The following NDUFS7 variants were observed in gnomAD, a reference collection of about 807,000 sequenced individuals.
The protein encoded by NDUFS7 is NADH dehydrogenase [ubiquinone] iron-sulfur protein 7, mitochondrial.
A neutral mutation model predicts 31.1 loss-of-function variants in NDUFS7; 11 were observed. The observed-to-expected ratio is 0.35, with a 90% CI of 0.22 to 0.59. The LOEUF is 0.59. NDUFS7 is among the 20% of genes least tolerant of loss of function. The probability of loss-of-function intolerance (pLI) is 0.79; values close to 1 mark genes in which losing one functional copy is unlikely to be tolerated. For missense variants in NDUFS7, 263 were observed against 324.2 expected, an observed-to-expected ratio of 0.81 and a Z score of 1.45; for synonymous variants, 136 against 127.9, an observed-to-expected ratio of 1.06 and a Z score of -0.43.
intron 6 of NDUFS7, chr19:1,392,910 G>A (rs908080681): frequency 7.4e-6 from 3 of 405,720 alleles, no homozygotes; most frequent in East Asian, 5.4e-5. Context: ...ATAGACAGGG[G>A]CTGGGTGTTG....
intron 1 of NDUFS7, among the ~76,000 whole-genome samples, chr19:1,384,358 A>G (rs2082494105): frequency 6.6e-6 from 1 of 152,100 alleles, no homozygotes; most frequent in Non-Finnish European, 1.5e-5. Context: ...CTGGGAAGGA[A>G]CAGGACCCAG....
chr19:1,393,336 G>C lies in NDUFS7; in HGVS notation c.544+6G>C, dbSNP rs1352620982. 2 of 1,565,820 alleles carry C rather than the reference G, an allele frequency of 1.3e-6. No individual in the cohort carries two copies. Among genetic ancestry groups the C allele is most frequent in the Non-Finnish European group, 1.7e-6 (2 of 1,156,520 alleles). Reference sequence around the variant, plus strand: ...CGTGGACATCTACATCCCAGGTAGGGCCGGGACCGCACCGCCCACGAGGGA... The same window carrying C: ...CGTGGACATCTACATCCCAGGTAGGCCCGGGACCGCACCGCCCACGAGGGA... On this transcript the variant is annotated splice_donor_region_variant and intron_variant, in intron 7 of 7. Transcript: ENST00000233627. This position sits in a 1 kb window ranked among gnomAD's most constrained non-coding sequence, Gnocchi z 7.3.
At position 1,388,506 on chromosome 19, in the gene NDUFS7, G is replaced by T. The variant is rs562814009; in HGVS notation, c.54-19G>T. On this transcript the variant is annotated intron_variant, in intron 2 of 7. Coordinates refer to ENST00000233627, the MANE Select transcript of NDUFS7 (RefSeq NM_024407.5). Reference sequence around the variant, plus strand: ...AGGGGCCTGGGACAGCCACTGACCCGCGTTCCATCTCCCGGCAGCTCCAGC... The same window carrying T: ...AGGGGCCTGGGACAGCCACTGACCCTCGTTCCATCTCCCGGCAGCTCCAGC... The T allele has an allele frequency of 2.5e-6, 4 of 1,610,196 alleles. No homozygotes were observed. In the South Asian group the frequency reaches 3.3e-5, roughly 13 times the overall value.
intron 1 of NDUFS7, among the ~76,000 whole-genome samples, chr19:1,387,535 C>T (rs2082515526): frequency 6.6e-6 from 1 of 152,202 alleles, no homozygotes; most frequent in Non-Finnish European, 1.5e-5. Flanking sequence ...AGTGCGGGGG[C>T]CCTGGCGCAG....
rs184440888 is a variant in NDUFS7, at chr19:1,389,853, C to T, written c.228+915C>T. 2.6e-3 allele frequency: 758 copies of T among 288,686 alleles called. 2 individuals are homozygous for T. Among genetic ancestry groups the T allele is most frequent in the Middle Eastern group, 5.0e-3 (4 of 796 alleles). 17.9% of individuals were successfully genotyped at this position (288,686 alleles called of 1,614,324 possible). On this transcript the variant is annotated intron_variant, in intron 4 of 7. Transcript: ENST00000233627. ...AACGTCCTGCCAGGGCCGCAGTGGT[C>T]GAGACAAGGATAGTTTTTAATGCAG...
rs2074896 is a variant in NDUFS7, at chr19:1,391,060, G to C, written c.408+10G>C. 6.2e-6 allele frequency: 10 copies of C among 1,612,574 alleles called. No individual in the cohort carries two copies. The highest frequency in any genetic ancestry group is 4.5e-5 in the East Asian group (2 of 44,840). ...CCCAGCGCTTCGCAAGGTAGGCCTC[G>C]TCCCAGCCGCCCAGCCGCCCCCAGA... On this transcript the variant is annotated intron_variant, in intron 5 of 7. Coordinates refer to ENST00000233627, the MANE Select transcript of NDUFS7 (RefSeq NM_024407.5).
At chr19:1,387,884 G>A (rs1198070183) in intron 2 of NDUFS7, 37 bp downstream of exon 2, 1 of 1,229,164 alleles carries the variant, frequency 8.1e-7, no homozygotes, top group South Asian at 1.2e-5. Flanking sequence ...GCTGGGAGGG[G>A]CCTTCAGCAG....
intron 7 of NDUFS7, chr19:1,395,006 T>A: frequency 8.8e-7 from 1 of 1,140,434 alleles, no homozygotes; most frequent in Non-Finnish European, 1.1e-6. Flanking sequence ...CCTCCCTGCC[T>A]CCATCTCCGT....
chr19:1,383,971 G>C (rs943921410), intron 1 of NDUFS7, 29 bp downstream of exon 1: 12 of 1,556,550 alleles, frequency 7.7e-6, no homozygotes, highest in Admixed American at 3.9e-5. Context: ...GCGGGTGTGG[G>C]GCCGCGCGGG....
At position 1,395,100 on chromosome 19, in the gene NDUFS7, G is replaced by A. The variant is rs116200321; in HGVS notation, c.545-291G>A. On this transcript the variant is annotated intron_variant, in intron 7 of 7. Transcript: ENST00000233627. ...CCATTGAGTCCTGAGGGCTGGGGCCGGGGGCCGGGTTAGTGAGGTCAGCGT... is the reference window on the plus strand; with the variant it reads ...CCATTGAGTCCTGAGGGCTGGGGCCAGGGGCCGGGTTAGTGAGGTCAGCGT... The A allele has an allele frequency of 4.4e-3, 5,675 of 1,298,778 alleles. 69 individuals are homozygous for A. Among genetic ancestry groups the A allele is most frequent in the African/African-American group, 0.042 (2,775 of 66,388 alleles). The allele number at this position is 1,298,778 out of a possible 1,614,324, so 80.5% of individuals were successfully genotyped here. A position where few individuals can be genotyped will look rare whatever the true frequency, so the allele number is the denominator to read the frequency against.
At position 1,388,527 on chromosome 19, in the gene NDUFS7, C is replaced by G. The variant is rs565188558; in HGVS notation, c.56C>G (p.Ser19Cys). Residue 19 changes from serine (S) to cysteine (C), a missense_variant and splice_region_variant, in exon 3 of 8, where the codon TCC becomes TGC. By Grantham distance (112) the Ser-to-Cys change is moderately radical. Transcript: ENST00000233627. ...LRGFRILGLRSSVGPAVQARG... is the reference protein window; with the variant it reads ...LRGFRILGLRCSVGPAVQARG... ...ACCCGCGTTCCATCTCCCGGCAGCT[C>G]CAGCGTGGGCCCGGCTGTGCAGGCA... 1 of 1,611,048 alleles carries G rather than the reference C, an allele frequency of 6.2e-7. No individual in the cohort carries two copies. Among genetic ancestry groups the G allele is most frequent in the Non-Finnish European group, 8.5e-7 (1 of 1,179,846 alleles).
intron 4 of NDUFS7, chr19:1,389,246 C>T: frequency 1.5e-6 from 1 of 658,192 alleles, no homozygotes; most frequent in Non-Finnish European, 2.8e-6. Context: ...CTCATGCACA[C>T]TCATGCGCAC....
In NDUFS7 at chr19:1,393,771, T is replaced by C. The variant is rs2082573595; in HGVS notation, c.544+441T>C. On this transcript the variant is annotated intron_variant, in intron 7 of 7. Transcript: ENST00000233627. This position sits in a 1 kb window ranked among gnomAD's most constrained non-coding sequence, Gnocchi z 7.3. ...GAAAACGTGGGAGGCTTAGTTTGAC[T>C]GTGAGGTTAGGGTGAATTTGACCAT... 4.3e-6 allele frequency: 2 copies of C among 462,328 alleles called. No individual in the cohort carries two copies. The highest frequency in any genetic ancestry group is 7.9e-6 in the Non-Finnish European group (2 of 253,102). 28.6% of individuals were successfully genotyped at this position (462,328 alleles called of 1,614,324 possible). A position where few individuals can be genotyped will look rare whatever the true frequency, so the allele number is the denominator to read the frequency against.
chr19:1,386,340 G>C (rs2082507173), intron 1 of NDUFS7, among the ~76,000 whole-genome samples: 1 of 152,162 alleles, frequency 6.6e-6, no homozygotes, highest in Admixed American at 6.5e-5. Flanking sequence ...AGCAGGGTTG[G>C]TTCCTGCTGA....
intron 1 of NDUFS7, among the ~76,000 whole-genome samples, chr19:1,384,368 G>A (rs1442567196): frequency 3.3e-5 from 5 of 152,216 alleles, no homozygotes; most frequent in Non-Finnish European, 5.9e-5. Flanking sequence ...ACAGGACCCA[G>A]GACATCCACG....
chr19:1,389,167 T>A (rs902904721), intron 4 of NDUFS7: 10 of 694,636 alleles, frequency 1.4e-5, no homozygotes, highest in Non-Finnish European at 2.1e-5. Flanking sequence ...ACATGCACAC[T>A]TGCACACACA....
chr19:1,389,897 CTTTTCTTTTCT>C, intron 4 of NDUFS7: 2 of 201,366 alleles, frequency 9.9e-6, no homozygotes, highest in Non-Finnish European at 2.0e-5. Flanking sequence ...TTTTCTTTTT[CTTTTCTTTTCT>C]TTTTTTTTTT....
At chr19:1,385,327 C>T (rs1235425150) in intron 1 of NDUFS7, among the ~76,000 whole-genome samples, 1 of 151,706 alleles carries the variant, frequency 6.6e-6, no homozygotes, top group African/African-American at 2.4e-5. Context: ...CCAGCCTGGC[C>T]AACATGGAGA....
chr19:1,388,877 C>A lies in NDUFS7; in HGVS notation c.167C>A (p.Pro56His), dbSNP rs747767440. ...LPKARAVAPK[P>H]SSRGEYVVAK... ...AAGGCCAGAGCCGTGGCTCCCAAAC[C>A]CAGCAGCCGGGGCGAGTATGTGGTG... The change falls in exon 4 of 8, where the codon CCC (proline) becomes CAC (histidine). Residue 56 changes from proline (P) to histidine (H), a missense_variant. Physicochemically the swap from Pro to His is moderately conservative, Grantham distance 77 (BLOSUM62 -2). Coordinates refer to ENST00000233627, the MANE Select transcript of NDUFS7 (RefSeq NM_024407.5). 1 of 1,609,166 alleles carries A rather than the reference C, an allele frequency of 6.2e-7. No homozygotes were observed. The highest frequency in any genetic ancestry group is 1.1e-5 in the South Asian group (1 of 89,956).
Sources: allele counts gnomAD v4.1 joint callset (sites outside exome capture counted in the v4.1 genomes callset), GRCh38; gene constraint gnomAD v4.1.1; non-coding constraint Gnocchi (gnomAD v3.1); transcripts MANE v1.5; gene names NCBI Gene and HGNC (gene_info 2026-07-23, HGNC 2026-07-21).